The following SLC38A8 variants were observed in gnomAD, a reference collection of about 807,000 sequenced individuals.
The protein encoded by SLC38A8 is solute carrier family 38 member 8, also known as amino acid transporter SLC38A8.
SLC38A8 carries 65 observed loss-of-function variants against 46.0 expected under a neutral mutation model. The observed-to-expected ratio is 1.41, with a 90% CI of 1.16 to 1.74. SLC38A8 has a LOEUF of 1.74. SLC38A8 is among the 40% of genes most tolerant of loss of function. SLC38A8 has a pLI of 0.00. For synonymous variants in SLC38A8, 447 were observed against 243.7 expected, an observed-to-expected ratio of 1.83 and a Z score of -7.77; for missense variants, 998 against 567.9, an observed-to-expected ratio of 1.76 and a Z score of -7.70.
chr16:84,026,133 A>G (rs1244692734), intron 6 of SLC38A8, among the ~76,000 whole-genome samples: 4 of 152,250 alleles, frequency 2.6e-5, no homozygotes, highest in African/African-American at 7.2e-5. Flanking sequence ...TGAGTCCAAT[A>G]TAAGGGAAAA....
intron 6 of SLC38A8, among the ~76,000 whole-genome samples, chr16:84,026,170 G>T (rs1226603957): frequency 6.6e-6 from 1 of 152,264 alleles, no homozygotes; most frequent in Non-Finnish European, 1.5e-5. Flanking sequence ...AGACAGGTTG[G>T]TGGGCAGGAG....
chr16:84,015,175 G>C (rs575461069), intron 9 of SLC38A8, among the ~76,000 whole-genome samples: 94 of 152,246 alleles, frequency 6.2e-4, no homozygotes, highest in Non-Finnish European at 1.2e-3. Flanking sequence ...TCTCGACTGT[G>C]TACTCAACAC....
At chr16:84,026,499 T>C (rs1306837090) in intron 6 of SLC38A8, among the ~76,000 whole-genome samples, 1 of 152,136 alleles carries the variant, frequency 6.6e-6, no homozygotes, top group Non-Finnish European at 1.5e-5. Context: ...ATTCCTGGGG[T>C]TACAGGCATG....
chr16:84,011,734 G>A (rs1471582576), intron 10 of SLC38A8, among the ~76,000 whole-genome samples: 3 of 152,148 alleles, frequency 2.0e-5, no homozygotes, highest in South Asian at 2.1e-4. Flanking sequence ...ATAAAAGAAA[G>A]GCAGCCAGGT....
At chr16:84,010,257 G>C (rs1340510437) in intron 10 of SLC38A8, among the ~76,000 whole-genome samples, 1 of 151,866 alleles carries the variant, frequency 6.6e-6, no homozygotes, top group Admixed American at 6.6e-5. Context: ...TTTTAGTAGA[G>C]ATGGAGTTTC....
At chr16:84,019,853 G>A (rs1036518038) in intron 7 of SLC38A8, among the ~76,000 whole-genome samples, 1 of 152,270 alleles carries the variant, frequency 6.6e-6, no homozygotes, top group African/African-American at 2.4e-5. Flanking sequence ...ACCCAGCAGA[G>A]CAGACACTCA....
At chr16:84,018,812 G>T (rs1056648259) in intron 7 of SLC38A8, among the ~76,000 whole-genome samples, 1 of 152,164 alleles carries the variant, frequency 6.6e-6, no homozygotes, top group African/African-American at 2.4e-5. Context: ...GGAATGACAA[G>T]ACAAAGGGGA....
Position 84,030,509 on chromosome 16 carries a change from G to T in SLC38A8, c.633-958C>A, listed in dbSNP as rs201449634. ...CTCTGAACTTCAGACACACAGACCT[G>T]CCCAGCTGCTTGACTTCCCTCTTAG... On this transcript the variant is annotated intron_variant, in intron 5 of 10. Coordinates refer to ENST00000299709, the MANE Select transcript of SLC38A8 (RefSeq NM_001080442.3). Among the ~76,000 whole-genome samples the T allele has an allele frequency of 2.0e-5, 3 of 151,984 alleles. No individual in the cohort carries two copies. The East Asian group carries it at 5.9e-4, about 30-fold the overall frequency.
At chr16:84,023,153 T>TC (rs2085115534) in intron 6 of SLC38A8, among the ~76,000 whole-genome samples, 10 of 152,054 alleles carry the variant, frequency 6.6e-5, no homozygotes, top group African/African-American at 2.4e-4. Flanking sequence ...TCCTTATTTT[T>TC]TAAAAAACTA....
intron 3 of SLC38A8, among the ~76,000 whole-genome samples, chr16:84,034,670 C>T (rs761564975): frequency 1.7e-4 from 26 of 152,144 alleles, no homozygotes; most frequent in Non-Finnish European, 3.7e-4. Flanking sequence ...CTCAAGCGTA[C>T]GAAATGATGA....
At chr16:84,013,139 G>C in intron 9 of SLC38A8, 87 bp from the exon 10 acceptor site, 1 of 1,523,926 alleles carries the variant, frequency 6.6e-7, no homozygotes, top group Non-Finnish European at 9.0e-7. Context: ...CAGGGACCCA[G>C]GAGGCCAGCA....
Position 84,012,360 on chromosome 16 carries a change from C to T in SLC38A8, c.1214+641G>A, listed in dbSNP as rs532119163. 4.6e-5 allele frequency among the ~76,000 whole-genome samples: 7 copies of T among 152,266 alleles called. No individual in the cohort carries two copies. In the South Asian group the frequency reaches 8.3e-4, roughly 18 times the overall value. On this transcript the variant is annotated intron_variant, in intron 10 of 10. Transcript: ENST00000299709. The stretch of plus-strand genomic sequence containing the variant: ...CTCAGTCGTGTCTGATCCACAGGTC[C>T]GCTCGGGGATAAATATTTGTCAAAT...
chr16:84,023,383 CT>C (rs1200708664), intron 6 of SLC38A8, among the ~76,000 whole-genome samples: 1 of 152,158 alleles, frequency 6.6e-6, no homozygotes, highest in Admixed American at 6.6e-5. Context: ...AAAAGCACCC[CT>C]CTGCACAAAA....
intron 9 of SLC38A8, among the ~76,000 whole-genome samples, chr16:84,015,047 G>T (rs920459964): frequency 6.6e-6 from 1 of 152,086 alleles, no homozygotes; most frequent in African/African-American, 2.4e-5. Flanking sequence ...TTGACATAAC[G>T]GCTGCATCAG....
intron 3 of SLC38A8, among the ~76,000 whole-genome samples, chr16:84,035,826 C>A (rs78110848): frequency 1.3e-5 from 2 of 152,210 alleles, no homozygotes; most frequent in Admixed American, 1.3e-4. Flanking sequence ...AATCTGCAAT[C>A]GCAGCTGGCG....
chr16:84,022,045 C>T (rs1055456855), intron 7 of SLC38A8, among the ~76,000 whole-genome samples: 29 of 152,216 alleles, frequency 1.9e-4, no homozygotes, highest in African/African-American at 6.5e-4. Flanking sequence ...CCTCATGCCC[C>T]AATCCCCTCT....
intron 5 of SLC38A8, among the ~76,000 whole-genome samples, 174 bp from the exon 6 acceptor site, chr16:84,029,725 G>C (rs928127596): frequency 6.9e-6 from 1 of 144,436 alleles, no homozygotes; most frequent in Non-Finnish European, 1.6e-5. Context: ...AAGGATGCTG[G>C]CTAAATGCTG....
chr16:84,009,857 C>T lies in SLC38A8; in HGVS notation c.1235G>A (p.Gly412Glu), dbSNP rs1385087749. ...PRVKCCLEVW[G>E]VVSVLVGTFI... ...GGTGCCGACCAGCACAGAGACCACT[C>T]CCCAGACCTCCAGGCAGCACCTGCC... Residue 412 changes from glycine (G) to glutamate (E), a missense_variant, in exon 11 of 11, where the codon GGA (glycine) becomes GAA (glutamate). Physicochemically the swap from Gly to Glu is moderately conservative, Grantham distance 98 (BLOSUM62 -2). Transcript: ENST00000299709. The T allele has an allele frequency of 6.2e-7, 1 of 1,613,932 alleles. No homozygotes were observed. The highest frequency in any genetic ancestry group is 2.2e-5 in the East Asian group (1 of 44,864).
chr16:84,037,394 A>G (rs555364319), intron 2 of SLC38A8, among the ~76,000 whole-genome samples: 2,591 of 142,326 alleles, frequency 0.018, 26 homozygotes, highest in Middle Eastern at 0.04. Context: ...GCCCCCTTGC[A>G]GGGGTGCTGC....
Sources: gnomAD v4.1 joint callset for allele counts (sites outside exome capture counted in the v4.1 genomes callset) on GRCh38, gnomAD v4.1.1 for gene constraint, MANE v1.5 for transcripts, NCBI Gene and HGNC (gene_info 2026-07-23, HGNC 2026-07-21) for gene names.